The following CBFA2T3 variants were observed in gnomAD, a reference collection of about 807,000 sequenced individuals.
CBFA2T3 encodes CBFA2/RUNX1 partner transcriptional co-repressor 3.
CBFA2T3 carries 31 observed loss-of-function variants against 58.6 expected under a neutral mutation model. The observed-to-expected ratio is 0.53, with a 90% CI of 0.40 to 0.71. The LOEUF (loss-of-function observed/expected upper bound fraction) is 0.71. Ranked by LOEUF, CBFA2T3 falls within the 30% of genes least tolerant of loss-of-function variation. The pLI is 0.00. For missense variants in CBFA2T3, 1,076 were observed against 963.1 expected (o/e 1.12, Z -1.55); for synonymous variants, 531 against 421.9 (o/e 1.26, Z -3.17).
intron 1 of CBFA2T3, chr16:88,941,862 G>A (rs1361471446): frequency 1.3e-5 from 1 of 75,600 alleles, no homozygotes; most frequent in Non-Finnish European, 4.1e-5. Context: ...GGGGGGTGTG[G>A]GGGGGGTGGG....
intron 1 of CBFA2T3, among the ~76,000 whole-genome samples, chr16:88,972,999 C>A (rs919603135): frequency 1.3e-5 from 2 of 152,230 alleles, no homozygotes; most frequent in African/African-American, 4.8e-5. Flanking sequence ...CTGCCTCTGG[C>A]TGGAGCCCAC....
intron 1 of CBFA2T3, chr16:88,941,276 G>T (rs1263967423): frequency 1.6e-6 from 1 of 616,256 alleles, no homozygotes; most frequent in Non-Finnish European, 2.0e-6. Flanking sequence ...GGCGGTCTCC[G>T]GCCTCCGCGG....
intron 1 of CBFA2T3, among the ~76,000 whole-genome samples, chr16:88,975,123 C>CATATCAAAGGGCCACCCTGACCCT (rs1972771550): frequency 1.9e-4 from 22 of 113,518 alleles, no homozygotes; most frequent in Admixed American, 6.7e-4. Context: ...CCACCCTGGC[C>CATATCAAAGGGCCACCCTGACCCT]CTCTGCTCCT....
At chr16:88,903,691 TG>T (rs199576024) in intron 1 of CBFA2T3, among the ~76,000 whole-genome samples, 3 of 37,186 alleles carry the variant, frequency 8.1e-5, no homozygotes, top group East Asian at 1.0e-3. Context: ...GGGGCATTCC[TG>T]GGGGGGGCGT....
At chr16:88,945,236 C>T (rs1971872592) in intron 1 of CBFA2T3, among the ~76,000 whole-genome samples, 2 of 152,200 alleles carry the variant, frequency 1.3e-5, no homozygotes, top group South Asian at 2.1e-4. Context: ...TGCATTTTCA[C>T]TCAGCTCCCT....
chr16:88,894,589 T>TACACATGCACACAATGTAC (rs1201929963), intron 3 of CBFA2T3, among the ~76,000 whole-genome samples: 1 of 146,712 alleles, frequency 6.8e-6, no homozygotes. Flanking sequence ...TGCATACATA[T>TACACATGCACACAATGTAC]ACACATGCAC....
intron 1 of CBFA2T3, among the ~76,000 whole-genome samples, chr16:88,970,528 C>G (rs985698975): frequency 6.6e-6 from 1 of 152,226 alleles, no homozygotes; most frequent in African/African-American, 2.4e-5. Flanking sequence ...GATTTGTGTC[C>G]TCATCTGAGG....
chr16:88,950,422 G>C lies in CBFA2T3; in HGVS notation c.151+26235C>G, dbSNP rs60031687. The C allele has an allele frequency of 1.0e-4, 40 of 393,218 alleles. 1 individual carries two copies. Among genetic ancestry groups the C allele is most frequent in the African/African-American group, 3.6e-4 (11 of 30,552 alleles). The allele number at this position is 393,218 out of a possible 1,614,324, so 24.4% of individuals were successfully genotyped here. A position where few individuals can be genotyped will look rare whatever the true frequency, so the allele number is the denominator to read the frequency against. On this transcript the variant is annotated intron_variant, in intron 1 of 11. Transcript: ENST00000268679. ...TCACCCGTCCCCTGGACCGGCACCGGCACAGAGGGTCAGAGTGTTGGCACC... is the reference window on the plus strand; with the variant it reads ...TCACCCGTCCCCTGGACCGGCACCGCCACAGAGGGTCAGAGTGTTGGCACC...
chr16:88,921,584 C>T (rs1408315519), intron 1 of CBFA2T3, among the ~76,000 whole-genome samples: 1 of 147,262 alleles, frequency 6.8e-6, no homozygotes, highest in Non-Finnish European at 1.5e-5. Flanking sequence ...ACTTCTTGGG[C>T]CACATTTTGC....
intron 1 of CBFA2T3, among the ~76,000 whole-genome samples, chr16:88,975,228 C>CCTCTGCTCCACATCTTT (rs1567644141): frequency 2.7e-4 from 27 of 100,570 alleles, no homozygotes; most frequent in South Asian, 6.0e-4. Context: ...TCCTCACCTG[C>CCTCTGCTCCACATCTTT]AGCCATGTCA....
At chr16:88,906,242 C>T (rs764369185) in intron 1 of CBFA2T3, among the ~76,000 whole-genome samples, 1 of 152,182 alleles carries the variant, frequency 6.6e-6, no homozygotes, top group African/African-American at 2.4e-5. Context: ...GCAGCCTCGT[C>T]CTTCCTAGGT....
intron 5 of CBFA2T3, 188 bp from the exon 6 acceptor site, chr16:88,886,330 G>C (rs984114829): frequency 3.6e-5 from 16 of 444,478 alleles, no homozygotes; most frequent in African/African-American, 2.4e-4. Context: ...TGGCGTGGGA[G>C]GGTGGGCACA....
intron 5 of CBFA2T3, chr16:88,887,085 G>A (rs1353876375): frequency 1.3e-5 from 2 of 152,244 alleles, no homozygotes; most frequent in Non-Finnish European, 2.9e-5. Flanking sequence ...CAGGCCACTT[G>A]GGAGAGCCAG....
chr16:88,964,095 A>G (rs1351206785), intron 1 of CBFA2T3, among the ~76,000 whole-genome samples: 1 of 152,248 alleles, frequency 6.6e-6, no homozygotes, highest in African/African-American at 2.4e-5. Flanking sequence ...GACCATCTGC[A>G]TACCTGGGCC....
chr16:88,921,758 G>A (rs1970929350), intron 1 of CBFA2T3, among the ~76,000 whole-genome samples: 1 of 152,262 alleles, frequency 6.6e-6, no homozygotes, highest in Admixed American at 6.5e-5. Flanking sequence ...GCGGTGCCGG[G>A]GGACTTGCGG....
intron 1 of CBFA2T3, among the ~76,000 whole-genome samples, chr16:88,942,574 G>A (rs75646135): frequency 0.014 from 2,060 of 152,228 alleles, 46 homozygotes; most frequent in African/African-American, 0.045. Context: ...GGAAGGGGAC[G>A]GAAACCCAGA....
chr16:88,882,729 C>G lies in CBFA2T3; in HGVS notation c.1150G>C (p.Asp384His), dbSNP rs754202547. 9.4e-6 allele frequency: 15 copies of G among 1,589,232 alleles called. No individual in the cohort carries two copies. The highest frequency in any genetic ancestry group is 1.3e-5 in the Non-Finnish European group (15 of 1,168,134). The change falls in exon 8 of 12, where the codon GAC (aspartate) becomes CAC (histidine). Residue 384 changes from aspartate to histidine, a missense_variant. Transcript: ENST00000268679. ...VPGSRQEEVIDHKLTEREWAE... is the reference protein window; with the variant it reads ...VPGSRQEEVIHHKLTEREWAE... ...CACTCACGCTCTGTGAGCTTGTGGT[C>G]GATCACTTCTTCCTGCCGGGACCCA...
rs1464168066 is a variant in CBFA2T3 at position 88,877,195 on chromosome 16, C to T, written c.1743G>A (p.Gln581=). 3 of 1,555,554 alleles carry T rather than the reference C, an allele frequency of 1.9e-6. No homozygotes were observed. Among genetic ancestry groups the T allele is most frequent in the African/African-American group, 1.4e-5 (1 of 73,432 alleles). ...GGTGATGCTTCTCCCAGTCCCGATG[C>T]TGGCAGAAGGACCCGCAGTAGCGTG... is the stretch of plus-strand genomic sequence containing the variant. The part of the protein sequence containing the change: ...NAARYCGSFC[Q]HRDWEKHHHV... The change falls in exon 12 of 12, where the codon CAG becomes CAA. Residue 581 remains glutamine, a synonymous_variant. Transcript: ENST00000268679.
chr16:88,974,857 G>C (rs1428632934), intron 1 of CBFA2T3, among the ~76,000 whole-genome samples: 1 of 152,088 alleles, frequency 6.6e-6, no homozygotes, highest in African/African-American at 2.4e-5. Context: ...TCCCCTGGGG[G>C]CCTTGGGAGG....
Sources: gnomAD v4.1 joint callset for allele counts (sites outside exome capture counted in the v4.1 genomes callset) on GRCh38, gnomAD v4.1.1 for gene constraint, MANE v1.5 for transcripts, NCBI Gene and HGNC (gene_info 2026-07-23, HGNC 2026-07-21) for gene names.